Variants in SAMD12 observed in about 807,000 individuals in gnomAD.
The protein encoded by SAMD12 is sterile alpha motif domain containing 12.
Under a neutral mutation model 15.0 loss-of-function variants are expected in SAMD12, and 9 were observed. The observed-to-expected ratio is 0.60, with a 90% confidence interval of 0.36 to 1.05. The LOEUF is 1.05. Ranked by LOEUF, SAMD12 falls within the 50% of genes least tolerant of loss-of-function variation. The probability of loss-of-function intolerance (pLI) is 0.01; values close to 1 mark genes in which losing one functional copy is unlikely to be tolerated. For missense variants in SAMD12, 230 were observed against 234.2 expected, an observed-to-expected ratio of 0.98 and a Z score of 0.12; for synonymous variants, 86 against 90.1, an observed-to-expected ratio of 0.96 and a Z score of 0.25.
intron 4 of SAMD12, among the ~76,000 whole-genome samples, chr8:118,199,732 G>A (rs138589463): frequency 1.3e-5 from 2 of 152,304 alleles, no homozygotes; most frequent in East Asian, 3.9e-4. Context: ...ATGGATGTAA[G>A]TGGAGTGCAG....
chr8:118,171,180 T>C, the SAMD12 span, among the ~76,000 whole-genome samples: 8 of 152,160 alleles, frequency 5.3e-5, no homozygotes, highest in Admixed American at 3.3e-4. Context: ...ATGACAAATG[T>C]TGGTGAGGAT....
intron 2 of SAMD12, among the ~76,000 whole-genome samples, chr8:118,536,260 T>A (rs1333263550): frequency 2.0e-5 from 3 of 152,142 alleles, no homozygotes; most frequent in Non-Finnish European, 4.4e-5. Context: ...GCTTTCCTCC[T>A]CTCCTGATAT....
At chr8:118,541,450 T>TA (rs1825982922) in intron 2 of SAMD12, among the ~76,000 whole-genome samples, 1 of 152,322 alleles carries the variant, frequency 6.6e-6, no homozygotes, top group East Asian at 1.9e-4. Flanking sequence ...CTCTTGTCTA[T>TA]AAAGGACCCA....
rs564118511 is a variant in SAMD12, at chr8:118,270,990, C to A, written c.434-73258G>T. ...GGTCACAGGAGCTCCAAGTTTAAAC[C>A]AAATGGAGCATGGGGAAGTTATTAT... On this transcript the variant is annotated intron_variant, in intron 4 of 4. Transcript: ENST00000409003. Among the ~76,000 whole-genome samples the A allele has an allele frequency of 6.6e-5, 10 of 152,122 alleles. No homozygotes were observed. In the South Asian group the frequency reaches 1.9e-3, roughly 28 times the overall value.
intron 4 of SAMD12, among the ~76,000 whole-genome samples, chr8:118,247,240 T>G (rs1318819298): frequency 1.3e-5 from 2 of 152,020 alleles, no homozygotes; most frequent in Non-Finnish European, 2.9e-5. Context: ...GAATGATGGC[T>G]ACCAGAGGCT....
chr8:118,446,555 A>C (rs1237685629), intron 2 of SAMD12, among the ~76,000 whole-genome samples: 10 of 151,772 alleles, frequency 6.6e-5, no homozygotes, highest in Non-Finnish European at 3.0e-5. Context: ...AAAATTTGGA[A>C]AAACACTGAT....
chr8:118,358,523 T>C (rs548684350), intron 4 of SAMD12, among the ~76,000 whole-genome samples: 10 of 152,300 alleles, frequency 6.6e-5, no homozygotes, highest in African/African-American at 2.2e-4. Flanking sequence ...TCCAGATCAT[T>C]CCTAACTTCC....
chr8:118,584,963 A>G (rs10955890), intron 1 of SAMD12, among the ~76,000 whole-genome samples: 13,204 of 151,970 alleles, frequency 0.087, 936 homozygotes, highest in East Asian at 0.38. Flanking sequence ...ACAAACACAC[A>G]CACACAAACT....
At chr8:118,438,675 C>T (rs1317840486) in intron 3 of SAMD12, among the ~76,000 whole-genome samples, 3 of 152,124 alleles carry the variant, frequency 2.0e-5, no homozygotes, top group Non-Finnish European at 4.4e-5. Context: ...AAAAGAAATA[C>T]TTTCTGCTTA....
intron 2 of SAMD12, among the ~76,000 whole-genome samples, chr8:118,552,057 T>G (rs1255662596): frequency 6.6e-6 from 1 of 150,910 alleles, no homozygotes; most frequent in African/African-American, 2.4e-5. Context: ...CCAAAAAGAG[T>G]CCAGGACCAG....
downstream of SAMD12, among the ~76,000 whole-genome samples, chr8:118,188,097 A>G (rs989433914): frequency 6.6e-5 from 10 of 151,902 alleles, no homozygotes; most frequent in South Asian, 2.1e-3. Flanking sequence ...AGAAAAAGGG[A>G]GGGCAAAGGA....
chr8:118,359,297 G>A lies in SAMD12; in HGVS notation c.433+20263C>T, dbSNP rs80133745. On this transcript the variant is annotated intron_variant, in intron 4 of 4. Transcript: ENST00000409003. ...TGGACATAGACAAGCCAAGGAGTGA[G>A]GTCTCAGAAGAAACCAATGCTGCCA... Among the ~76,000 whole-genome samples, 1,243 of 152,246 alleles carry A rather than the reference G, an allele frequency of 8.2e-3. 15 individuals carry two copies. The highest frequency in any genetic ancestry group is 0.028 in the African/African-American group (1,171 of 41,536).
At chr8:118,486,395 G>A (rs1034424494) in intron 2 of SAMD12, among the ~76,000 whole-genome samples, 2 of 148,132 alleles carry the variant, frequency 1.4e-5, no homozygotes, top group African/African-American at 2.5e-5. Flanking sequence ...CAGCCTGGGT[G>A]ACAGAGAGAG....
chr8:118,573,220 G>A (rs1032167810), intron 2 of SAMD12, among the ~76,000 whole-genome samples: 1 of 152,098 alleles, frequency 6.6e-6, no homozygotes, highest in Non-Finnish European at 1.5e-5. Context: ...GAGTAGCTGG[G>A]ACTACAGTCA....
At chr8:118,418,466 A>G (rs1184385071) in intron 3 of SAMD12, among the ~76,000 whole-genome samples, 1 of 152,250 alleles carries the variant, frequency 6.6e-6, no homozygotes, top group Non-Finnish European at 1.5e-5. Context: ...CTGTAATCCC[A>G]GCACTTTGGG....
chr8:118,230,550 A>G (rs1812290547), intron 4 of SAMD12, among the ~76,000 whole-genome samples: 2 of 152,150 alleles, frequency 1.3e-5, no homozygotes, highest in Non-Finnish European at 2.9e-5. Flanking sequence ...TTTGGAGAAC[A>G]CACAATTTGT....
chr8:118,497,497 A>G (rs963537717), intron 2 of SAMD12, among the ~76,000 whole-genome samples: 1 of 152,204 alleles, frequency 6.6e-6, no homozygotes, highest in Non-Finnish European at 1.5e-5. Context: ...GTTCTCACTT[A>G]TAAGTGGGAG....
At chr8:118,262,849 G>C (rs1433803964) in intron 4 of SAMD12, among the ~76,000 whole-genome samples, 5 of 152,034 alleles carry the variant, frequency 3.3e-5, no homozygotes, top group Non-Finnish European at 7.4e-5. Flanking sequence ...CTAGAATAGA[G>C]CTCAGTTGTT....
intron 4 of SAMD12, among the ~76,000 whole-genome samples, chr8:118,358,119 T>C (rs989597130): frequency 6.6e-6 from 1 of 152,106 alleles, no homozygotes; most frequent in Non-Finnish European, 1.5e-5. Flanking sequence ...CACTCCAGCC[T>C]GGGCAGTGGA....
Sources: gnomAD v4.1 joint callset for allele counts (sites outside exome capture counted in the v4.1 genomes callset) on GRCh38, gnomAD v4.1.1 for gene constraint, MANE v1.5 for transcripts, NCBI Gene and HGNC (gene_info 2026-07-23, HGNC 2026-07-21) for gene names.